CERS6: variants seen among roughly 807,000 people sequenced by gnomAD.
CERS6 encodes ceramide synthase 6.
Under a neutral mutation model 56.8 loss-of-function variants are expected in CERS6, and 26 were observed. The observed-to-expected ratio is 0.46, with a 90% confidence interval of 0.34 to 0.63. The LOEUF (loss-of-function observed/expected upper bound fraction) is 0.63, where lower values mean the gene tolerates loss of function less well. CERS6 is among the 30% of genes least tolerant of loss of function. The pLI is 0.01. For missense variants in CERS6, 415 were observed against 467.5 expected (o/e 0.89, Z 1.04); for synonymous variants, 164 against 173.3 (o/e 0.95, Z 0.42).
chr2:168,665,397 A>G (rs1003987526), intron 4 of CERS6, among the ~76,000 whole-genome samples: 5 of 152,168 alleles, frequency 3.3e-5, no homozygotes, highest in African/African-American at 1.2e-4. Flanking sequence ...AATAATTGTA[A>G]TAAGAGGCTG....
chr2:168,617,460 A>G (rs1167504202), intron 3 of CERS6, among the ~76,000 whole-genome samples: 2 of 152,238 alleles, frequency 1.3e-5, no homozygotes, highest in Non-Finnish European at 2.9e-5. Flanking sequence ...ATTTGGAAAG[A>G]TAAAGAAAAT....
chr2:168,752,291 G>GTGTGTGTGTGTA (rs1684293544), intron 8 of CERS6, among the ~76,000 whole-genome samples: 1 of 148,270 alleles, frequency 6.7e-6, no homozygotes, highest in African/African-American at 2.6e-5. Context: ...GTGTGTGTGT[G>GTGTGTGTGTGTA]TGTGTGTGTG....
intron 4 of CERS6, 60 bp from the exon 5 acceptor site, chr2:168,690,974 T>C: frequency 6.7e-7 from 1 of 1,492,862 alleles, no homozygotes. Flanking sequence ...ATTGTAAACC[T>C]TTTTTATCCT....
Position 168,765,668 on chromosome 2 carries a change from C to T in CERS6, c.922C>T (p.Leu308=). The T allele has an allele frequency of 6.2e-7, 1 of 1,614,054 alleles. No individual in the cohort carries two copies. Among genetic ancestry groups the T allele is most frequent in the African/African-American group, 1.3e-5 (1 of 75,052 alleles). The change falls in exon 9 of 10, where the codon CTA becomes TTA. Residue 308 remains leucine, a synonymous_variant. Transcript: ENST00000305747. ...TTCCTGGTGGGTTTTTAACCTACTG[C>T]TATTGCTAGTACAAGGGTTGAACTG... ...YPSWWVFNLL[L]LLVQGLNCFW... is the part of the protein sequence containing the mutation.
At chr2:168,545,050 G>A (rs565546121) in intron 1 of CERS6, among the ~76,000 whole-genome samples, 1 of 151,918 alleles carries the variant, frequency 6.6e-6, no homozygotes, top group South Asian at 2.1e-4. Context: ...AACATTTTAG[G>A]CAAAGAGACT....
chr2:168,576,111 A>T (rs539089320), intron 3 of CERS6, among the ~76,000 whole-genome samples: 1 of 152,028 alleles, frequency 6.6e-6, no homozygotes, highest in Non-Finnish European at 1.5e-5. Flanking sequence ...GGAGACAGGG[A>T]CATCAGAGGA....
chr2:168,671,784 C>A (rs1182756695), intron 4 of CERS6, among the ~76,000 whole-genome samples: 1 of 152,064 alleles, frequency 6.6e-6, no homozygotes, highest in Non-Finnish European at 1.5e-5. Context: ...TACATTTTCA[C>A]CCAGCTTATA....
intron 8 of CERS6, among the ~76,000 whole-genome samples, chr2:168,727,630 A>G (rs1683388658): frequency 6.6e-6 from 1 of 151,928 alleles, no homozygotes. Context: ...TCATCTAGAC[A>G]TGTAGGAGAA....
At chr2:168,651,492 G>C (rs1406014317) in intron 4 of CERS6, among the ~76,000 whole-genome samples, 1 of 152,214 alleles carries the variant, frequency 6.6e-6, no homozygotes, top group Non-Finnish European at 1.5e-5. Context: ...CTGAGACTGG[G>C]TGATTTATAA....
At chr2:168,636,704 G>A (rs529749165) in intron 4 of CERS6, among the ~76,000 whole-genome samples, 3 of 152,340 alleles carry the variant, frequency 2.0e-5, no homozygotes, top group South Asian at 4.1e-4. Flanking sequence ...CAGTGCTGCT[G>A]CTTATTGCAT....
At chr2:168,529,767 G>A (rs1320695683) in intron 1 of CERS6, among the ~76,000 whole-genome samples, 1 of 152,096 alleles carries the variant, frequency 6.6e-6, no homozygotes, top group Non-Finnish European at 1.5e-5. Context: ...TATTCCTCAG[G>A]GACATTTTGA....
intron 3 of CERS6, among the ~76,000 whole-genome samples, chr2:168,630,165 T>C (rs1010788191): frequency 7.3e-6 from 1 of 137,788 alleles, no homozygotes; most frequent in Admixed American, 7.8e-5. Context: ...ACAAGATAAC[T>C]TTTTTTTTTT....
intron 4 of CERS6, among the ~76,000 whole-genome samples, chr2:168,641,071 T>C (rs1489613746): frequency 6.6e-6 from 1 of 152,162 alleles, no homozygotes; most frequent in Admixed American, 6.5e-5. Context: ...AATTACATCC[T>C]TAATCCTGGC....
At chr2:168,549,100 A>G (rs1185246379) in intron 2 of CERS6, among the ~76,000 whole-genome samples, 1 of 152,136 alleles carries the variant, frequency 6.6e-6, no homozygotes, top group Non-Finnish European at 1.5e-5. Context: ...TGATTATAAC[A>G]TATTTGGAGT....
At chr2:168,550,846 C>G (rs1418073580) in intron 2 of CERS6, among the ~76,000 whole-genome samples, 4 of 152,212 alleles carry the variant, frequency 2.6e-5, no homozygotes, top group Non-Finnish European at 5.9e-5. Flanking sequence ...AAACTCGATC[C>G]CCCACTCTCT....
intron 1 of CERS6, among the ~76,000 whole-genome samples, chr2:168,540,459 A>G (rs1343974657): frequency 2.6e-5 from 4 of 152,178 alleles, no homozygotes; most frequent in African/African-American, 7.2e-5. Context: ...CACAAGTACC[A>G]TTCTGTTTTA....
At chr2:168,528,896 G>A (rs1292080355) in intron 1 of CERS6, among the ~76,000 whole-genome samples, 1 of 152,216 alleles carries the variant, frequency 6.6e-6, no homozygotes, top group African/African-American at 2.4e-5. Flanking sequence ...CTTGTAAAAA[G>A]TATAAGGCCT....
At chr2:168,550,821 C>T (rs1695557153) in intron 2 of CERS6, among the ~76,000 whole-genome samples, 1 of 152,230 alleles carries the variant, frequency 6.6e-6, no homozygotes, top group African/African-American at 2.4e-5. Flanking sequence ...GGGGTAGCTG[C>T]CTCCATCCTC....
At chr2:168,496,351 G>A (rs1385713511) in intron 1 of CERS6, among the ~76,000 whole-genome samples, 2 of 146,652 alleles carry the variant, frequency 1.4e-5, no homozygotes, top group East Asian at 2.0e-4. Context: ...TTTTTTTTTT[G>A]TAGAAAAAAA....
Sources: allele counts gnomAD v4.1 joint callset (sites outside exome capture counted in the v4.1 genomes callset), GRCh38; gene constraint gnomAD v4.1.1; transcripts MANE v1.5; gene names NCBI Gene and HGNC (gene_info 2026-07-23, HGNC 2026-07-21).